Variants in BPNT1 observed in about 807,000 individuals in gnomAD.
BPNT1 encodes 3'(2'),5'-bisphosphate nucleotidase 1.
Under a neutral mutation model 36.9 loss-of-function variants are expected in BPNT1, and 28 were observed. That is an observed-to-expected ratio of 0.76 (90% CI 0.56 to 1.04). The LOEUF is 1.04. Ranked by LOEUF, BPNT1 falls within the 50% of genes least tolerant of loss-of-function variation. The pLI, the probability that BPNT1 is intolerant of heterozygous loss-of-function variation, is 0.00. For synonymous variants in BPNT1, 119 were observed against 130.9 expected, an observed-to-expected ratio of 0.91 and a Z score of 0.62; for missense variants, 313 against 372.9, an observed-to-expected ratio of 0.84 and a Z score of 1.32.
chr1:220,067,939 C>T (rs1464271557), intron 5 of BPNT1, among the ~76,000 whole-genome samples: 1 of 152,172 alleles, frequency 6.6e-6, no homozygotes, highest in Non-Finnish European at 1.5e-5. Flanking sequence ...CTTTTATACA[C>T]ATTAAAGTTG....
intron 1 of BPNT1, among the ~76,000 whole-genome samples, chr1:220,086,403 C>T (rs1408920557): frequency 6.6e-6 from 1 of 151,970 alleles, no homozygotes; most frequent in East Asian, 1.9e-4. Flanking sequence ...GGCTGAGTAG[C>T]TGGAACTACA....
chr1:220,071,867 A>G (rs1254641164), intron 4 of BPNT1, among the ~76,000 whole-genome samples: 2 of 151,644 alleles, frequency 1.3e-5, no homozygotes, highest in Non-Finnish European at 2.9e-5. Context: ...TTGTATTTTT[A>G]GAAGAGACGG....
intron 1 of BPNT1, 102 bp from the exon 2 acceptor site, chr1:220,079,956 G>T: frequency 8.1e-7 from 1 of 1,241,806 alleles, no homozygotes; most frequent in Admixed American, 2.7e-5. Flanking sequence ...TGCTAACTTG[G>T]GATTGCTCCC....
At chr1:220,067,677 C>G (rs1347852993) in intron 5 of BPNT1, among the ~76,000 whole-genome samples, 3 of 152,192 alleles carry the variant, frequency 2.0e-5, no homozygotes, top group Non-Finnish European at 4.4e-5. Flanking sequence ...TCATCAGATT[C>G]CTCTGTGCCT....
intron 2 of BPNT1, among the ~76,000 whole-genome samples, chr1:220,079,503 C>T (rs1438464151): frequency 6.6e-6 from 1 of 152,114 alleles, no homozygotes; most frequent in African/African-American, 2.4e-5. Flanking sequence ...CCGCCTGCCT[C>T]GGTCTCCCAA....
intron 7 of BPNT1, among the ~76,000 whole-genome samples, chr1:220,062,348 G>A (rs1460463136): frequency 7.3e-6 from 1 of 136,238 alleles, no homozygotes. Flanking sequence ...CTGTGTCCAT[G>A]TGTTCTCATT....
chr1:220,080,149 G>A (rs931960554), intron 1 of BPNT1, among the ~76,000 whole-genome samples: 25 of 152,220 alleles, frequency 1.6e-4, no homozygotes, highest in African/African-American at 5.1e-4. Context: ...GTATGAGGTC[G>A]TGGGTGATGT....
At chr1:220,075,864 A>G (rs1047449057) in intron 2 of BPNT1, among the ~76,000 whole-genome samples, 4 of 152,172 alleles carry the variant, frequency 2.6e-5, no homozygotes, top group African/African-American at 9.7e-5. Flanking sequence ...TTAGCATTAC[A>G]TCTCTGTTCC....
intron 1 of BPNT1, among the ~76,000 whole-genome samples, chr1:220,085,448 C>A (rs1315952223): frequency 6.6e-6 from 1 of 152,182 alleles, no homozygotes; most frequent in African/African-American, 2.4e-5. Context: ...CACTTAAATT[C>A]TCTGTGCCCC....
intron 7 of BPNT1, among the ~76,000 whole-genome samples, chr1:220,060,666 C>CT (rs1304782309): frequency 3.3e-5 from 5 of 150,904 alleles, no homozygotes; most frequent in Admixed American, 6.6e-5. Flanking sequence ...AAAATACAAA[C>CT]TTTTTTTTTT....
intron 5 of BPNT1, among the ~76,000 whole-genome samples, chr1:220,068,747 T>G (rs1440131868): frequency 6.6e-6 from 1 of 152,028 alleles, no homozygotes; most frequent in Non-Finnish European, 1.5e-5. Context: ...GAGGCAGAGG[T>G]TGCAGTGAGC....
chr1:220,064,689 G>C (rs2102648765), intron 6 of BPNT1, among the ~76,000 whole-genome samples: 1 of 152,200 alleles, frequency 6.6e-6, no homozygotes, highest in South Asian at 2.1e-4. Context: ...TGGCATATGG[G>C]GCAACAAAGG....
At chr1:220,075,975 A>T (rs1487144611) in intron 2 of BPNT1, among the ~76,000 whole-genome samples, 1 of 152,220 alleles carries the variant, frequency 6.6e-6, no homozygotes, top group Non-Finnish European at 1.5e-5. Flanking sequence ...GAAAGGAAAT[A>T]ATTCAAAATA....
In BPNT1 at chr1:220,058,140, C is replaced by T. The variant is rs114804156; in HGVS notation, c.*704G>A. ...GCAGTGAGCCGAGATCACGCCACTA[C>T]ATTCTAGCCTAGGCTACAGAGCGAG... On this transcript the variant is annotated 3_prime_UTR_variant, in exon 9 of 9. Transcript: ENST00000322067. 1.0e-3 allele frequency: 1,005 copies of T among 979,594 alleles called. 7 individuals are homozygous for T. The African/African-American group carries it at 0.016, about 16-fold the overall frequency. The allele number at this position is 979,594 out of a possible 1,614,324, so 60.7% of individuals were successfully genotyped here.
At chr1:220,089,100 C>CGA (rs1656053229) in intron 1 of BPNT1, among the ~76,000 whole-genome samples, 1 of 55,308 alleles carries the variant, frequency 1.8e-5, no homozygotes, top group African/African-American at 1.1e-4. Flanking sequence ...GACTCCGTCT[C>CGA]GAAAAAAAAA....
chr1:220,063,583 A>AT (rs953863717), intron 6 of BPNT1, among the ~76,000 whole-genome samples: 3 of 152,098 alleles, frequency 2.0e-5, no homozygotes, highest in African/African-American at 7.2e-5. Context: ...GAAAATGGCC[A>AT]TTTTCAGAAG....
chr1:220,087,160 A>G (rs781593251), intron 1 of BPNT1, among the ~76,000 whole-genome samples: 24 of 152,260 alleles, frequency 1.6e-4, no homozygotes, highest in Non-Finnish European at 2.8e-4. Flanking sequence ...AAAAAAAGAA[A>G]CCATAAAAGC....
intron 7 of BPNT1, among the ~76,000 whole-genome samples, chr1:220,060,918 G>A (rs1327469671): frequency 2.0e-5 from 3 of 152,148 alleles, no homozygotes. Flanking sequence ...GTGAATTTAA[G>A]TATTTTCTGA....
chr1:220,067,297 A>C lies in BPNT1; in HGVS notation c.474+5T>G. ...GAAATTACTTTGTATCATTTATAGTAATACCTCATAGTTGTAATATGGCTG... is the reference window on the plus strand; with the variant it reads ...GAAATTACTTTGTATCATTTATAGTCATACCTCATAGTTGTAATATGGCTG... On this transcript the variant is annotated splice_donor_5th_base_variant and intron_variant, in intron 6 of 8. Coordinates refer to ENST00000322067, the MANE Select transcript of BPNT1 (RefSeq NM_006085.6). 1 of 1,551,938 alleles carries C rather than the reference A, an allele frequency of 6.4e-7. No homozygotes were observed. The highest frequency in any genetic ancestry group is 8.9e-7 in the Non-Finnish European group (1 of 1,128,326).
Sources: gnomAD v4.1 joint callset for allele counts (sites outside exome capture counted in the v4.1 genomes callset) on GRCh38, gnomAD v4.1.1 for gene constraint, MANE v1.5 for transcripts, NCBI Gene and HGNC (gene_info 2026-07-23, HGNC 2026-07-21) for gene names.